The following KIAA0825 variants were observed in gnomAD, a reference collection of about 807,000 sequenced individuals.
KIAA0825 encodes KIAA0825, also known as uncharacterized protein KIAA0825.
Under a neutral mutation model 147.6 loss-of-function variants are expected in KIAA0825, and 119 were observed. That is an observed-to-expected ratio of 0.81 (90% confidence interval 0.69 to 0.94). The LOEUF (loss-of-function observed/expected upper bound fraction) is 0.94. Among genes scored for constraint, KIAA0825 ranks in the 40% least tolerant of loss-of-function variants. The pLI, the probability that KIAA0825 is intolerant of heterozygous loss-of-function variation, is 0.00. For missense variants in KIAA0825, 1,381 were observed against 1,472.7 expected (o/e 0.94, Z 1.02); for synonymous variants, 470 against 518.1 (o/e 0.91, Z 1.26).
intron 13 of KIAA0825, among the ~76,000 whole-genome samples, chr5:94,442,245 A>G (rs1417051660): frequency 6.6e-6 from 1 of 152,210 alleles, no homozygotes; most frequent in Non-Finnish European, 1.5e-5. Flanking sequence ...GGAACATCTC[A>G]TAACTTTATT....
intron 2 of KIAA0825, among the ~76,000 whole-genome samples, chr5:94,561,775 C>T (rs1170235566): frequency 5.3e-5 from 8 of 152,150 alleles, no homozygotes; most frequent in African/African-American, 1.9e-4. Flanking sequence ...TCTACTATAG[C>T]CCTTCTTGAC....
rs149075479 is a variant in KIAA0825 at position 94,488,809 on chromosome 5, C to T, written c.971-3879G>A. Among the ~76,000 whole-genome samples the T allele has an allele frequency of 5.1e-4, 78 of 152,252 alleles. 1 individual carries two copies. Among genetic ancestry groups the T allele is most frequent in the African/African-American group, 1.8e-3 (75 of 41,540 alleles). On this transcript the variant is annotated intron_variant, in intron 5 of 20. Transcript: ENST00000682413. ...CTTGGGAAATACTACATACTGAATTCTTCTTAAAGTAATTCACAAGGCTAA... is the reference window on the plus strand; with the variant it reads ...CTTGGGAAATACTACATACTGAATTTTTCTTAAAGTAATTCACAAGGCTAA...
chr5:94,440,193 G>T, intron 13 of KIAA0825, 72 bp from the exon 14 acceptor site: 1 of 1,376,830 alleles, frequency 7.3e-7, no homozygotes, highest in Non-Finnish European at 9.9e-7. Flanking sequence ...TTAAAGTACA[G>T]ATGTAATGCT....
intron 20 of KIAA0825, among the ~76,000 whole-genome samples, chr5:94,285,064 A>C (rs1267466618): frequency 3.3e-5 from 5 of 152,106 alleles, no homozygotes; most frequent in African/African-American, 2.4e-5. Flanking sequence ...AACTAAAACA[A>C]TTATAGACAT....
intron 5 of KIAA0825, among the ~76,000 whole-genome samples, chr5:94,503,076 A>T (rs1765279836): frequency 7.2e-6 from 1 of 139,746 alleles, no homozygotes; most frequent in African/African-American, 2.8e-5. Context: ...AAAAAAAAAT[A>T]TATATATATA....
intron 20 of KIAA0825, among the ~76,000 whole-genome samples, chr5:94,377,836 A>C (rs1747806495): frequency 6.6e-6 from 1 of 152,136 alleles, no homozygotes; most frequent in South Asian, 2.1e-4. Context: ...AATCACTCAT[A>C]ATTAGTTTAC....
chr5:94,248,210 C>T (rs898738560), intron 20 of KIAA0825, among the ~76,000 whole-genome samples: 2 of 152,080 alleles, frequency 1.3e-5, no homozygotes, highest in South Asian at 4.1e-4. Flanking sequence ...CAGCAACCTT[C>T]CCAAAGATAC....
chr5:94,216,057 G>A (rs954304057), intron 20 of KIAA0825, among the ~76,000 whole-genome samples: 1 of 151,964 alleles, frequency 6.6e-6, no homozygotes, highest in African/African-American at 2.4e-5. Flanking sequence ...CATGATTTTG[G>A]TGTGTCTAGG....
chr5:94,291,907 CTGTT>C lies in KIAA0825; in HGVS notation c.3710+92457_3710+92460del, dbSNP rs763750649. Reference sequence around the variant, plus strand: ...GGGAGTTCACTCATGATTTGGCTCTCTGTTTGTTTATTATTGGTGTACAGGAATG... The same window carrying C: ...GGGAGTTCACTCATGATTTGGCTCTCTGTTTATTATTGGTGTACAGGAATG... On this transcript the variant is annotated intron_variant, in intron 20 of 20. Transcript: ENST00000682413. 1.7e-3 allele frequency among the ~76,000 whole-genome samples: 253 copies of C among 152,228 alleles called. 1 individual carries two copies. The highest frequency in any genetic ancestry group is 2.7e-3 in the Non-Finnish European group (186 of 68,024).
intron 1 of KIAA0825, among the ~76,000 whole-genome samples, chr5:94,604,430 G>A (rs928046840): frequency 1.3e-5 from 2 of 152,128 alleles, no homozygotes; most frequent in Non-Finnish European, 2.9e-5. Context: ...ATGGTGATGG[G>A]CACCTTTAAT....
At chr5:94,468,482 CT>C in intron 10 of KIAA0825, among the ~76,000 whole-genome samples, 1 of 152,312 alleles carries the variant, frequency 6.6e-6, no homozygotes, top group Admixed American at 6.5e-5. Context: ...TTATCTCAGG[CT>C]ACCAGCTGCA....
intron 2 of KIAA0825, among the ~76,000 whole-genome samples, chr5:94,562,116 A>G (rs896471): frequency 0.49 from 74,780 of 151,914 alleles, 18,880 homozygotes; most frequent in Non-Finnish European, 0.55. Flanking sequence ...AGATAAAAAC[A>G]ATTTTTAAGG....
intron 6 of KIAA0825, among the ~76,000 whole-genome samples, chr5:94,481,213 G>A (rs1762463423): frequency 6.6e-6 from 1 of 152,048 alleles, no homozygotes; most frequent in Non-Finnish European, 1.5e-5. Context: ...AGTGCAGAGG[G>A]TCACAAGAAT....
chr5:94,439,975 T>C lies in KIAA0825; in HGVS notation c.2497+7A>G, dbSNP rs1372816852. The C allele has an allele frequency of 2.6e-6, 4 of 1,550,334 alleles. No individual in the cohort carries two copies. In the African/African-American group the frequency reaches 5.5e-5, roughly 21 times the overall value. On this transcript the variant is annotated splice_region_variant and intron_variant, in intron 14 of 20. Coordinates refer to ENST00000682413, the MANE Select transcript of KIAA0825 (RefSeq NM_001145678.3). ...TCGAGGACATTCTTATAACTACACA[T>C]ACTCACTTGAGCTCTTCAGCAAGAT...
intron 2 of KIAA0825, among the ~76,000 whole-genome samples, chr5:94,565,782 A>G (rs1561324352): frequency 6.6e-6 from 1 of 152,258 alleles, no homozygotes; most frequent in Non-Finnish European, 1.5e-5. Flanking sequence ...AATTGAATAT[A>G]TTTATGGGCT....
At chr5:94,185,757 G>T (rs1770060669) in intron 20 of KIAA0825, among the ~76,000 whole-genome samples, 1 of 152,048 alleles carries the variant, frequency 6.6e-6, no homozygotes, top group South Asian at 2.1e-4. Flanking sequence ...CAAACCATCT[G>T]TTCAAGATAT....
intron 20 of KIAA0825, among the ~76,000 whole-genome samples, chr5:94,308,975 G>T (rs1406712475): frequency 2.0e-5 from 3 of 151,796 alleles, no homozygotes; most frequent in Admixed American, 2.0e-4. Flanking sequence ...CCACAATTCA[G>T]TGTGCTCTAT....
At chr5:94,170,827 A>C (rs1426008856) in intron 20 of KIAA0825, among the ~76,000 whole-genome samples, 1 of 152,208 alleles carries the variant, frequency 6.6e-6, no homozygotes, top group Non-Finnish European at 1.5e-5. Flanking sequence ...ACCAGCCCCA[A>C]GGAATTGGGA....
At chr5:94,426,106 A>G (rs895622442) in intron 14 of KIAA0825, among the ~76,000 whole-genome samples, 7 of 151,456 alleles carry the variant, frequency 4.6e-5, no homozygotes, top group Admixed American at 4.6e-4. Context: ...CCTGGTCTCA[A>G]GCGATCCTCC....
Sources: allele counts gnomAD v4.1 joint callset (sites outside exome capture counted in the v4.1 genomes callset), GRCh38; gene constraint gnomAD v4.1.1; transcripts MANE v1.5; gene names NCBI Gene and HGNC (gene_info 2026-07-23, HGNC 2026-07-21).